RNF213: variants seen among roughly 807,000 people sequenced by gnomAD.
RNF213 encodes ring finger protein 213.
RNF213 carries 341 observed loss-of-function variants against 514.4 expected under a neutral mutation model. The ratio of observed to expected loss-of-function variants is 0.66; its 90% confidence interval spans 0.61 to 0.73. The LOEUF is 0.73. RNF213 is among the 30% of genes least tolerant of loss of function. RNF213 has a pLI of 0.00. For synonymous variants in RNF213, 2,655 were observed against 2,658.2 expected (o/e 1.00, Z 0.04); for missense variants, 5,767 against 6,615.6 (o/e 0.87, Z 4.45).
Position 80,390,095 on chromosome 17 carries a change from G to A in RNF213, c.15369G>A (p.Gln5123=), listed in dbSNP as rs767739763. Residue 5123 remains glutamine (Q), a synonymous_variant, in exon 67 of 68, where the codon CAG becomes CAA. Transcript: ENST00000582970. ...NAKLLSTFLN[Q]TGLDAFLLEL... is the part of the protein sequence containing the mutation. ...AGCTCCTCAGCACATTCCTAAATCAGACTGGCCTAGACGCCTTCCTGCTAG... is the reference window on the plus strand; with the variant it reads ...AGCTCCTCAGCACATTCCTAAATCAAACTGGCCTAGACGCCTTCCTGCTAG... 6.8e-6 allele frequency: 11 copies of A among 1,614,176 alleles called. No homozygotes were observed. The East Asian group carries it at 2.5e-4, about 36-fold the overall frequency.
intron 9 of RNF213, among the ~76,000 whole-genome samples, chr17:80,295,268 C>A (rs546063885): frequency 1.2e-3 from 189 of 152,310 alleles, no homozygotes; most frequent in African/African-American, 4.4e-3. Flanking sequence ...GAACGGGGCA[C>A]CCTCTGTCAC....
intron 44 of RNF213, among the ~76,000 whole-genome samples, chr17:80,368,997 C>T (rs1346163643): frequency 6.6e-6 from 1 of 152,164 alleles, no homozygotes; most frequent in African/African-American, 2.4e-5. Flanking sequence ...TTGCCGGGTC[C>T]AAATGATCAA....
intron 3 of RNF213, among the ~76,000 whole-genome samples, chr17:80,281,162 C>G (rs1181529847): frequency 7.8e-6 from 1 of 128,902 alleles, no homozygotes. Flanking sequence ...CTCACACACA[C>G]CCCCACACAT....
chr17:80,290,364 CGTGT>C (rs550706352), intron 6 of RNF213, among the ~76,000 whole-genome samples: 14 of 150,256 alleles, frequency 9.3e-5, no homozygotes, highest in Non-Finnish European at 1.3e-4. Context: ...TGTATGTGTG[CGTGT>C]GTGAGTGCGT....
intron 54 of RNF213, 120 bp from the exon 55 acceptor site, chr17:80,379,500 G>A (rs537018904): frequency 1.0e-6 from 1 of 952,398 alleles, no homozygotes; most frequent in Non-Finnish European, 1.7e-6. Flanking sequence ...AGCACACACT[G>A]GGACAATCTG....
Position 80,344,962 on chromosome 17 carries a change from C to T in RNF213, c.6627C>T (p.Asn2209=), listed in dbSNP as rs1464479512. The T allele has an allele frequency of 1.2e-6, 2 of 1,614,170 alleles. No homozygotes were observed. The highest frequency in any genetic ancestry group is 2.2e-5 in the East Asian group (1 of 44,888). Residue 2209 remains asparagine, a synonymous_variant, in exon 29 of 68, where the codon AAC becomes AAT. Transcript: ENST00000582970. The stretch of plus-strand genomic sequence containing the variant: ...TCCTGTTTCACTGCGGGGTAATAAA[C>T]CCATCCTGGTCAGAGCTTCGGAACT... The part of the protein sequence containing the change: ...QHFLFHCGVI[N]PSWSELRNFA...
intron 14 of RNF213, among the ~76,000 whole-genome samples, chr17:80,309,841 C>T (rs958650001): frequency 3.3e-5 from 5 of 151,954 alleles, no homozygotes; most frequent in Admixed American, 6.6e-5. Context: ...CTGCAAGCTC[C>T]GCCTCCTGGG....
chr17:80,385,643 CCA>C, intron 61 of RNF213, 22 bp downstream of exon 61: 1 of 1,601,774 alleles, frequency 6.2e-7, no homozygotes, highest in Admixed American at 1.7e-5. Context: ...GTCCCCTGTA[CCA>C]CTAAGCGTTC....
At chr17:80,320,965 G>A (rs116626383) in intron 17 of RNF213, 1 of 152,116 alleles carries the variant, frequency 6.6e-6, no homozygotes, top group African/African-American at 2.4e-5. Context: ...TCAACCTGGG[G>A]GACAGAGCAA....
At position 80,295,780 on chromosome 17, in the gene RNF213, G is replaced by A. The variant is rs2044919016; in HGVS notation, c.1979G>A (p.Arg660His). 6 of 1,614,140 alleles carry A rather than the reference G, an allele frequency of 3.7e-6. No individual in the cohort carries two copies. The highest frequency in any genetic ancestry group is 3.3e-5 in the South Asian group (3 of 91,080). ...SDASSPDEFH[R>H]DLSHILGIPQ... ...GCCAGCTCACCAGATGAGTTTCACC[G>A]TGACCTAAGCCACATCCTTGGGATA... is the stretch of plus-strand genomic sequence containing the variant. The change falls in exon 10 of 68, where the codon CGT becomes CAT. Residue 660 changes from arginine to histidine, a missense_variant. This residue lies in a region of RNF213 where 592 missense variants were observed against 673.9 expected (regional missense o/e 0.88). Transcript: ENST00000582970.
At chr17:80,348,903 C>G (rs537069745) in intron 29 of RNF213, among the ~76,000 whole-genome samples, 1 of 152,272 alleles carries the variant, frequency 6.6e-6, no homozygotes, top group South Asian at 2.1e-4. Flanking sequence ...TCTGCAGAGC[C>G]ACATCTCAGC....
chr17:80,376,915 C>G lies in RNF213; in HGVS notation c.13462C>G (p.Leu4488Val), dbSNP rs1160014087. 1 of 1,614,096 alleles carries G rather than the reference C, an allele frequency of 6.2e-7. No homozygotes were observed. Among genetic ancestry groups the G allele is most frequent in the Non-Finnish European group, 8.5e-7 (1 of 1,180,010 alleles). ...TCTTCCAACCATGCCTGAAGACTTG[C>G]TGGCTCAAGCTCGGAGGTGGAAGGG... ...AFLPTMPEDLLAQARRWKGLE... is the reference protein window; with the variant it reads ...AFLPTMPEDLVAQARRWKGLE... Residue 4488 changes from leucine (L) to valine (V), a missense_variant, in exon 53 of 68, where the codon CTG (leucine) becomes GTG (valine). Leu to Val is a conservative substitution (Grantham distance 32). Transcript: ENST00000582970.
rs1037629706 is a variant in RNF213 at position 80,353,908 on chromosome 17, C to G, written c.10579-111C>G. On this transcript the variant is annotated intron_variant, in intron 34 of 67. Coordinates refer to ENST00000582970, the MANE Select transcript of RNF213 (RefSeq NM_001256071.3). This position sits in a 1 kb window ranked among gnomAD's most constrained non-coding sequence, Gnocchi z 5.0. ...GCGTCTCTTCTTTGTCCGTGAGGAC[C>G]GCCGCCCTGTGCTGTTTGCTGCATT... is the stretch of plus-strand genomic sequence containing the variant. 28 of 1,431,374 alleles carry G rather than the reference C, an allele frequency of 2.0e-5. No homozygotes were observed. The highest frequency in any genetic ancestry group is 2.5e-5 in the Non-Finnish European group (26 of 1,031,680). The allele number at this position is 1,431,374 out of a possible 1,614,324, so 88.7% of individuals were successfully genotyped here. A position where few individuals can be genotyped will look rare whatever the true frequency, so the allele number is the denominator to read the frequency against.
In RNF213 at chr17:80,345,465, T is replaced by C; in HGVS notation, c.7130T>C (p.Leu2377Pro). ...KLPRHKKLER[L>P]CLTLGIPQAT... ...CCCAGACACAAGAAACTTGAGAGGC[T>C]CTGCCTGACCTTAGGGATCCCCCAG... Residue 2377 changes from leucine to proline, a missense_variant, in exon 29 of 68, where the codon CTC becomes CCC. By Grantham distance (98) the Leu-to-Pro change is moderately conservative (BLOSUM62 -3). Transcript: ENST00000582970. The surrounding 1 kb of genome is among the most constrained non-coding windows in gnomAD (Gnocchi z 6.0). 1 of 1,611,482 alleles carries C rather than the reference T, an allele frequency of 6.2e-7. No homozygotes were observed. Among genetic ancestry groups the C allele is most frequent in the Non-Finnish European group, 8.5e-7 (1 of 1,178,160 alleles).
At chr17:80,384,693 C>G (rs1025587960) in intron 59 of RNF213, among the ~76,000 whole-genome samples, 2 of 152,210 alleles carry the variant, frequency 1.3e-5, no homozygotes, top group African/African-American at 4.8e-5. Flanking sequence ...CCCTCGCTGC[C>G]TAAGCTCTGG....
rs757249090 is a variant in RNF213 at position 80,317,311 on chromosome 17, G to A, written c.2901+34G>A. 2.8e-5 allele frequency: 44 copies of A among 1,591,422 alleles called. No individual in the cohort carries two copies. Among genetic ancestry groups the A allele is most frequent in the Admixed American group, 1.9e-4 (11 of 56,958 alleles). On this transcript the variant is annotated intron_variant, in intron 16 of 67. Coordinates refer to ENST00000582970, the MANE Select transcript of RNF213 (RefSeq NM_001256071.3). The surrounding 1 kb of genome is among the most constrained non-coding windows in gnomAD (Gnocchi z 4.1). ...AGTTTGGGGGCAGTCTTTTCAGGGC[G>A]TGAAGGCAAGCTGGAGAACCCCAGA...
chr17:80,290,474 T>TGTGTGTGTGCGC, intron 6 of RNF213, 96 bp from the exon 7 acceptor site: 1 of 1,430,516 alleles, frequency 7.0e-7, no homozygotes. Context: ...TGTGTGCACG[T>TGTGTGTGTGCGC]GTGTGTGCGC....
chr17:80,298,244 C>T, intron 10 of RNF213, 77 bp from the exon 11 acceptor site: 2 of 1,471,698 alleles, frequency 1.4e-6, no homozygotes, highest in Non-Finnish European at 9.4e-7. Context: ...TGCTTGCTTC[C>T]TGTTGGGACT....
chr17:80,288,195 A>T lies in RNF213; in HGVS notation c.642A>T (p.Arg214Ser). ...DQDASIPSGG[R>S]GLSQEGTGPP... ...ACGCTTCCATCCCCTCTGGGGGCAGAGGCCTGTCCCAGGAGGGGACCGGTC... is the reference window on the plus strand; with the variant it reads ...ACGCTTCCATCCCCTCTGGGGGCAGTGGCCTGTCCCAGGAGGGGACCGGTC... The change falls in exon 4 of 68, where the codon AGA (arginine) becomes AGT (serine). Residue 214 changes from arginine (R) to serine (S), a missense_variant. This residue lies in a region of RNF213 where 509 missense variants were observed against 496.7 expected (regional missense o/e 1.02). Coordinates refer to ENST00000582970, the MANE Select transcript of RNF213 (RefSeq NM_001256071.3). The surrounding 1 kb of genome is among the most constrained non-coding windows in gnomAD (Gnocchi z 4.9). 4.3e-6 allele frequency: 7 copies of T among 1,612,646 alleles called. No individual in the cohort carries two copies. The highest frequency in any genetic ancestry group is 5.9e-6 in the Non-Finnish European group (7 of 1,179,396).
Sources: gnomAD v4.1 joint callset for allele counts (sites outside exome capture counted in the v4.1 genomes callset) on GRCh38, gnomAD v4.1.1 for gene constraint, gnomAD v4.1.1 regional missense constraint, Gnocchi (gnomAD v3.1) non-coding constraint, MANE v1.5 for transcripts, NCBI Gene and HGNC (gene_info 2026-07-23, HGNC 2026-07-21) for gene names.